PCDHGA11: variants seen among roughly 807,000 people sequenced by gnomAD.
PCDHGA11 encodes the protein protocadherin gamma-A11.
Under a neutral mutation model 60.4 loss-of-function variants are expected in PCDHGA11, and 39 were observed. That is an observed-to-expected ratio of 0.65 (90% CI 0.50 to 0.84). The LOEUF (loss-of-function observed/expected upper bound fraction) is 0.84, where lower values mean the gene tolerates loss of function less well. Among genes scored for constraint, PCDHGA11 ranks in the 40% least tolerant of loss-of-function variants. PCDHGA11 has a pLI of 0.00. For synonymous variants in PCDHGA11, 533 were observed against 510.3 expected (o/e 1.04, Z -0.60); for missense variants, 1,165 against 1,197.7 (o/e 0.97, Z 0.40).
chr5:141,488,014 C>T (rs2099670661), intron 1 of PCDHGA11, among the ~76,000 whole-genome samples: 1 of 152,120 alleles, frequency 6.6e-6, no homozygotes, highest in South Asian at 2.1e-4. Context: ...TCTGAAGTAC[C>T]TTAACTCTAG....
At chr5:141,473,402 T>C (rs1019157713) in intron 1 of PCDHGA11, among the ~76,000 whole-genome samples, 7 of 152,224 alleles carry the variant, frequency 4.6e-5, no homozygotes, top group Non-Finnish European at 7.3e-5. Flanking sequence ...CTTCTTTTTT[T>C]CTTCTTCAGT....
In PCDHGA11 at chr5:141,421,516, T is replaced by G. The variant is rs199973694; in HGVS notation, c.289T>G (p.Cys97Gly). The change falls in exon 1 of 4, where the codon TGT becomes GGT. Residue 97 changes from cysteine (C) to glycine (G), a missense_variant. Physicochemically the swap from Cys to Gly is radical, Grantham distance 159. Transcript: ENST00000398587. ...TAGRIDREELCETVSSCFLNM... is the reference protein window; with the variant it reads ...TAGRIDREELGETVSSCFLNM... Reference sequence around the variant, plus strand: ...AGGCAGGATAGACCGGGAGGAGCTCTGTGAGACGGTGTCCTCCTGTTTTTT... The same window carrying G: ...AGGCAGGATAGACCGGGAGGAGCTCGGTGAGACGGTGTCCTCCTGTTTTTT... 1.4e-5 allele frequency: 22 copies of G among 1,614,064 alleles called. No homozygotes were observed. The East Asian group carries it at 4.9e-4, about 36-fold the overall frequency.
chr5:141,431,505 C>T lies in PCDHGA11; in HGVS notation c.2433+7845C>T. 1.2e-6 allele frequency: 2 copies of T among 1,614,018 alleles called. No individual in the cohort carries two copies. The highest frequency in any genetic ancestry group is 1.7e-6 in the Non-Finnish European group (2 of 1,180,028). On this transcript the variant is annotated intron_variant, in intron 1 of 3. Coordinates refer to ENST00000398587, the MANE Select transcript of PCDHGA11 (RefSeq NM_018914.3). This position sits in a 1 kb window ranked among gnomAD's most constrained non-coding sequence, Gnocchi z 4.8. ...GCGTTTGCTCAGCCCGAGTACCGCG[C>T]GAGCGTTCCGGAGAATCTGGCCTTG...
Position 141,486,674 on chromosome 5 carries a change from G to A in PCDHGA11, c.2434-8133G>A. On this transcript the variant is annotated intron_variant, in intron 1 of 3. Transcript: ENST00000398587. This position sits in a 1 kb window ranked among gnomAD's most constrained non-coding sequence, Gnocchi z 5.0. ...CTCACTCCTGGAGCCCAGGAATCGA[G>A]ATGTATCAGCTTCCTCTTTCATCTC... The A allele has an allele frequency of 1.9e-6, 3 of 1,614,080 alleles. No individual in the cohort carries two copies. Among genetic ancestry groups the A allele is most frequent in the Non-Finnish European group, 2.5e-6 (3 of 1,180,036 alleles).
At chr5:141,483,082 C>T (rs2099576709) in intron 1 of PCDHGA11, among the ~76,000 whole-genome samples, 1 of 151,662 alleles carries the variant, frequency 6.6e-6, no homozygotes, top group African/African-American at 2.4e-5. Flanking sequence ...GAGACTCCAT[C>T]TCAAAAAAAA....
Position 141,511,380 on chromosome 5 carries a change from C to G in PCDHGA11, c.*207C>G. The G allele has an allele frequency of 7.7e-6, 9 of 1,170,490 alleles. No individual in the cohort carries two copies. The highest frequency in any genetic ancestry group is 1.1e-5 in the Non-Finnish European group (9 of 854,564). 72.5% of individuals were successfully genotyped at this position (1,170,490 alleles called of 1,614,324 possible). A position where few individuals can be genotyped will look rare whatever the true frequency, so the allele number is the denominator to read the frequency against. On this transcript the variant is annotated 3_prime_UTR_variant, in exon 4 of 4. Transcript: ENST00000398587. ...GGGGTTGAATATGCAAAAGCAGTTC[C>G]GCTGGGAACCCCCATCCAATCAACT...
intron 1 of PCDHGA11, chr5:141,428,460 T>G (rs558111052): frequency 2.8e-6 from 1 of 351,434 alleles, no homozygotes; most frequent in African/African-American, 2.1e-5. Context: ...CCAACTACAA[T>G]GAGGGAACTT....
intron 1 of PCDHGA11, chr5:141,428,461 G>A: frequency 2.8e-6 from 1 of 352,014 alleles, no homozygotes; most frequent in South Asian, 2.8e-5. Flanking sequence ...CAACTACAAT[G>A]AGGGAACTTT....
chr5:141,424,750 A>T (rs2096838482), intron 1 of PCDHGA11: 1 of 152,114 alleles, frequency 6.6e-6, no homozygotes, highest in Admixed American at 6.5e-5. Context: ...CTTTCTTTAT[A>T]AGGTCATTCT....
intron 2 of PCDHGA11, among the ~76,000 whole-genome samples, chr5:141,499,772 C>T (rs1217675128): frequency 1.0e-4 from 15 of 147,946 alleles, no homozygotes; most frequent in Admixed American, 9.0e-4. Context: ...CTGCAGCCTT[C>T]GCCTCCCGGG....
At chr5:141,473,902 G>C (rs1593464039) in intron 1 of PCDHGA11, among the ~76,000 whole-genome samples, 1 of 152,240 alleles carries the variant, frequency 6.6e-6, no homozygotes, top group South Asian at 2.1e-4. Context: ...GGTTCATGAA[G>C]AGGTCTTAAG....
Position 141,422,382 on chromosome 5 carries a change from T to C in PCDHGA11, c.1155T>C (p.Cys385=), listed in dbSNP as rs1390444026. The C allele has an allele frequency of 3.2e-6, 5 of 1,585,154 alleles. No homozygotes were observed. The highest frequency in any genetic ancestry group is 1.8e-5 in the Admixed American group (1 of 54,404). ...QDSGENGQVS[C]FIPNHLPFKL... Reference sequence around the variant, plus strand: ...CTGGAGAAAATGGTCAAGTCTCCTGTTTTATTCCTAACCACCTGCCTTTTA... The same window carrying C: ...CTGGAGAAAATGGTCAAGTCTCCTGCTTTATTCCTAACCACCTGCCTTTTA... The change falls in exon 1 of 4, where the codon TGT becomes TGC. Residue 385 remains cysteine (C), a synonymous_variant. Transcript: ENST00000398587.
At chr5:141,423,990 T>A (rs2096793990) in intron 1 of PCDHGA11, 2 of 1,090,000 alleles carry the variant, frequency 1.8e-6, no homozygotes, top group East Asian at 1.1e-4. Flanking sequence ...GCTCTCAATT[T>A]ATTATATATA....
chr5:141,500,184 T>TTTTA (rs58019021), intron 2 of PCDHGA11, among the ~76,000 whole-genome samples: 28,743 of 135,782 alleles, frequency 0.21, 3,285 homozygotes, highest in African/African-American at 0.3. Context: ...TCATTTTTAT[T>TTTTA]TTTATTTATT....
rs1386791249 is a variant in PCDHGA11 at position 141,511,417 on chromosome 5, G to A, written c.*244G>A. 1.2e-6 allele frequency: 1 copy of A among 835,942 alleles called. No homozygotes were observed. Among genetic ancestry groups the A allele is most frequent in the African/African-American group, 1.7e-5 (1 of 58,154 alleles). The allele number at this position is 835,942 out of a possible 1,614,324, so 51.8% of individuals were successfully genotyped here. A position where few individuals can be genotyped will look rare whatever the true frequency, so the allele number is the denominator to read the frequency against. The stretch of plus-strand genomic sequence containing the variant: ...CCATCCAATCAACTGCTGTACCCAT[G>A]GGGGTAGTGGGGTTACTGTAGACAC... On this transcript the variant is annotated 3_prime_UTR_variant, in exon 4 of 4. Transcript: ENST00000398587.
At chr5:141,459,910 A>G (rs2098977946) in intron 1 of PCDHGA11, among the ~76,000 whole-genome samples, 2 of 152,042 alleles carry the variant, frequency 1.3e-5, no homozygotes, top group Non-Finnish European at 1.5e-5. Context: ...GAGCTATGGG[A>G]GTTTTAAAAT....
In PCDHGA11 at chr5:141,434,915, T is replaced by A. The variant is rs1301814716; in HGVS notation, c.2433+11255T>A. Among the ~76,000 whole-genome samples, 3 of 151,830 alleles carry A rather than the reference T, an allele frequency of 2.0e-5. No homozygotes were observed. The East Asian group carries it at 5.8e-4, about 29-fold the overall frequency. ...GTCCCCTTCCCTCATACCTTATTTATGTACATATATTTTATATAATAGATA... is the reference window on the plus strand; with the variant it reads ...GTCCCCTTCCCTCATACCTTATTTAAGTACATATATTTTATATAATAGATA... On this transcript the variant is annotated intron_variant, in intron 1 of 3. Transcript: ENST00000398587.
intron 1 of PCDHGA11, among the ~76,000 whole-genome samples, chr5:141,433,399 CTA>C (rs1491097109): frequency 1.1e-4 from 17 of 150,894 alleles, no homozygotes; most frequent in African/African-American, 4.1e-4. Context: ...ATCTATCTAT[CTA>C]TCTATTACTT....
chr5:141,428,361 C>G, intron 1 of PCDHGA11: 2 of 556,764 alleles, frequency 3.6e-6, no homozygotes, highest in Non-Finnish European at 6.6e-6. Context: ...TTTTGGCGGT[C>G]GCCTTGCACC....
Sources: allele counts gnomAD v4.1 joint callset (sites outside exome capture counted in the v4.1 genomes callset), GRCh38; gene constraint gnomAD v4.1.1; non-coding constraint Gnocchi (gnomAD v3.1); transcripts MANE v1.5; gene names NCBI Gene and HGNC (gene_info 2026-07-23, HGNC 2026-07-21).